The following COMMD1 variants were observed in gnomAD, a reference collection of about 807,000 sequenced individuals.
COMMD1 encodes copper metabolism domain containing 1.
A neutral mutation model predicts 17.2 loss-of-function variants in COMMD1; 10 were observed. That is an observed-to-expected ratio of 0.58 (90% CI 0.36 to 0.99). The LOEUF (loss-of-function observed/expected upper bound fraction) is 0.99. Ranked by LOEUF, COMMD1 falls within the 50% of genes least tolerant of loss-of-function variation. The pLI, the probability that COMMD1 is intolerant of heterozygous loss-of-function variation, is 0.01. For missense variants in COMMD1, 270 were observed against 231.8 expected (o/e 1.17, Z -1.07); for synonymous variants, 97 against 91.6 (o/e 1.06, Z -0.34).
At chr2:62,095,669 C>G (rs1310005440) in intron 2 of COMMD1, among the ~76,000 whole-genome samples, 1 of 151,092 alleles carries the variant, frequency 6.6e-6, no homozygotes, top group African/African-American at 2.4e-5. Context: ...GACTCAGAAT[C>G]CCTTGCTACT....
At chr2:61,989,131 A>G (rs1352396577) in intron 1 of COMMD1, among the ~76,000 whole-genome samples, 2 of 152,118 alleles carry the variant, frequency 1.3e-5, no homozygotes, top group Non-Finnish European at 2.9e-5. Flanking sequence ...GTTCTTGTGA[A>G]AGTGCTTTTT....
chr2:62,104,030 AG>A (rs1215003590), intron 2 of COMMD1, among the ~76,000 whole-genome samples: 2 of 152,044 alleles, frequency 1.3e-5, no homozygotes, highest in Non-Finnish European at 2.9e-5. Flanking sequence ...TTGTATAGTC[AG>A]GGTCTCACTT....
At chr2:62,076,529 T>A (rs1009626568) in intron 2 of COMMD1, among the ~76,000 whole-genome samples, 2 of 152,210 alleles carry the variant, frequency 1.3e-5, no homozygotes, top group African/African-American at 4.8e-5. Flanking sequence ...GCTGGATCGC[T>A]TGAGCCCTGG....
At chr2:61,910,259 C>G (rs571388209) in intron 1 of COMMD1, among the ~76,000 whole-genome samples, 8 of 150,554 alleles carry the variant, frequency 5.3e-5, no homozygotes, top group East Asian at 3.9e-4. Context: ...CTGCCCCCCC[C>G]TTTTTTTTTA....
At chr2:61,923,017 A>G (rs1476739341) in intron 1 of COMMD1, among the ~76,000 whole-genome samples, 5 of 152,252 alleles carry the variant, frequency 3.3e-5, no homozygotes, top group South Asian at 2.1e-4. Flanking sequence ...GTAATGTGGA[A>G]GGCAGCAAAT....
At chr2:62,052,496 A>C (rs548406123) in intron 2 of COMMD1, among the ~76,000 whole-genome samples, 1 of 152,290 alleles carries the variant, frequency 6.6e-6, no homozygotes, top group Non-Finnish European at 1.5e-5. Context: ...TTGTAGCCCA[A>C]GACACCATTA....
intron 2 of COMMD1, among the ~76,000 whole-genome samples, chr2:62,105,201 A>G (rs1310549072): frequency 2.0e-5 from 3 of 151,996 alleles, no homozygotes; most frequent in Non-Finnish European, 4.4e-5. Context: ...AACAAATGCT[A>G]AGAAAACAGA....
intron 1 of COMMD1, among the ~76,000 whole-genome samples, chr2:61,971,043 G>A (rs1671637361): frequency 6.6e-6 from 1 of 152,126 alleles, no homozygotes; most frequent in South Asian, 2.1e-4. Context: ...GGAGTAGCTG[G>A]GACTACAAGC....
At chr2:62,000,223 C>CAAAAA (rs1668887760) in intron 1 of COMMD1, among the ~76,000 whole-genome samples, 1 of 151,566 alleles carries the variant, frequency 6.6e-6, no homozygotes, top group Non-Finnish European at 1.5e-5. Context: ...TGTACCTGGC[C>CAAAAA]TCTTTACTGT....
intron 2 of COMMD1, among the ~76,000 whole-genome samples, chr2:62,130,830 T>G (rs1354684856): frequency 2.6e-5 from 4 of 152,210 alleles, no homozygotes; most frequent in African/African-American, 9.6e-5. Context: ...AAGAGGTTAT[T>G]TAGTGTGTAG....
Position 62,022,797 on chromosome 2 carries a change from CA to C in COMMD1, c.462+21819del, listed in dbSNP as rs1448965673. On this transcript the variant is annotated intron_variant, in intron 2 of 2. Transcript: ENST00000311832. ...CATGTCTGTGAACCTGAAATGGAATCAAAAGAGTGAGGTGATGAGTGAGGCT... is the reference window on the plus strand; with the variant it reads ...CATGTCTGTGAACCTGAAATGGAATCAAAGAGTGAGGTGATGAGTGAGGCT... Among the ~76,000 whole-genome samples the C allele has an allele frequency of 2.6e-5, 4 of 152,182 alleles. No homozygotes were observed. The East Asian group carries it at 7.7e-4, about 29-fold the overall frequency.
intron 2 of COMMD1, among the ~76,000 whole-genome samples, chr2:62,113,398 G>A (rs1672509503): frequency 6.6e-6 from 1 of 151,924 alleles, no homozygotes; most frequent in African/African-American, 2.4e-5. Context: ...ATTTCTGATA[G>A]AGCCATTATG....
At chr2:62,094,088 C>A (rs34671119) in intron 2 of COMMD1, among the ~76,000 whole-genome samples, 12,378 of 152,162 alleles carry the variant, frequency 0.081, 711 homozygotes, top group Non-Finnish European at 0.12. Context: ...ATGGGAGTTT[C>A]CTGTAATTTT....
chr2:61,902,783 T>A (rs1403860333), upstream of COMMD1, among the ~76,000 whole-genome samples: 2 of 152,042 alleles, frequency 1.3e-5, no homozygotes, highest in East Asian at 3.9e-4. Flanking sequence ...AGGTCGAGAC[T>A]GCAGTGAGCC....
intron 1 of COMMD1, among the ~76,000 whole-genome samples, chr2:61,954,521 A>T (rs1440329128): frequency 6.6e-6 from 1 of 152,226 alleles, no homozygotes; most frequent in Non-Finnish European, 1.5e-5. Context: ...TGTGTGAGAA[A>T]GGTAAGAGGG....
chr2:62,064,162 T>G (rs887131055), intron 2 of COMMD1, among the ~76,000 whole-genome samples: 1 of 151,920 alleles, frequency 6.6e-6, no homozygotes, highest in Admixed American at 6.6e-5. Context: ...GTAGATTTTT[T>G]ATTCTTATTT....
intron 2 of COMMD1, among the ~76,000 whole-genome samples, chr2:62,072,518 G>A (rs1357423076): frequency 1.3e-5 from 2 of 152,182 alleles, no homozygotes; most frequent in African/African-American, 4.8e-5. Flanking sequence ...CCCTCCGGTT[G>A]TCCACATAAC....
At chr2:62,128,335 GA>G (rs55646038) in intron 2 of COMMD1, among the ~76,000 whole-genome samples, 83 of 124,154 alleles carry the variant, frequency 6.7e-4, no homozygotes, top group East Asian at 2.5e-3. Context: ...CTAAAAAAAA[GA>G]AAAAAAAAAA....
At chr2:62,103,438 T>A (rs527966724) in intron 2 of COMMD1, among the ~76,000 whole-genome samples, 1 of 152,342 alleles carries the variant, frequency 6.6e-6, no homozygotes, top group South Asian at 2.1e-4. Context: ...TGTCAGTGAT[T>A]TTTTTCAGTG....
Sources: allele counts gnomAD v4.1 joint callset (sites outside exome capture counted in the v4.1 genomes callset), GRCh38; gene constraint gnomAD v4.1.1; transcripts MANE v1.5; gene names NCBI Gene and HGNC (gene_info 2026-07-23, HGNC 2026-07-21).